The following NHSL2 variants were observed in gnomAD, a reference collection of about 807,000 sequenced individuals.
The protein encoded by NHSL2 is NHS like 2, also known as NHS-like protein 2.
A neutral mutation model predicts 53.4 loss-of-function variants in NHSL2; 27 were observed. The ratio of observed to expected loss-of-function variants is 0.51; its 90% CI spans 0.37 to 0.70. The LOEUF is 0.70. Ranked by LOEUF, NHSL2 falls within the 30% of genes least tolerant of loss-of-function variation. NHSL2 has a pLI of 0.00. For missense variants in NHSL2, 892 were observed against 980.1 expected (o/e 0.91, Z 1.20); for synonymous variants, 408 against 404.1 (o/e 1.01, Z -0.12).
At chrX:72,036,356 A>G (rs1256816953) in intron 1 of NHSL2, among the ~76,000 whole-genome samples, 2 of 112,274 alleles carry the variant, frequency 1.8e-5, no homozygotes, top group Non-Finnish European at 1.9e-5. Context: ...ATCCACTGTC[A>G]GTTGACTTGC....
intron 1 of NHSL2, among the ~76,000 whole-genome samples, chrX:72,022,599 A>G (rs1407865685): frequency 3.6e-5 from 4 of 111,082 alleles, no homozygotes; most frequent in Non-Finnish European, 7.6e-5. Flanking sequence ...TAATCCCATC[A>G]TGAGGGATCC....
At chrX:72,123,872 C>T (rs2042201031) in intron 1 of NHSL2, among the ~76,000 whole-genome samples, 1 of 110,889 alleles carries the variant, frequency 9.0e-6, no homozygotes, top group East Asian at 2.9e-4. Context: ...GGGCCCCGCT[C>T]TACCCCATGT....
chrX:72,060,086 C>T (rs890501900), intron 1 of NHSL2, among the ~76,000 whole-genome samples: 7 of 112,116 alleles, frequency 6.2e-5, no homozygotes, highest in African/African-American at 2.3e-4. Context: ...CATTTGACCT[C>T]AGAAGCATGA....
chrX:72,026,704 C>T (rs1477043223), intron 1 of NHSL2, among the ~76,000 whole-genome samples: 3 of 112,424 alleles, frequency 2.7e-5, no homozygotes, highest in Admixed American at 1.9e-4. Flanking sequence ...AATGGCAGAT[C>T]CTGATAAGTT....
intron 1 of NHSL2, among the ~76,000 whole-genome samples, chrX:72,111,589 G>A (rs996703253): frequency 8.9e-6 from 1 of 111,825 alleles, no homozygotes; most frequent in Non-Finnish European, 1.9e-5. Context: ...CAGTAAGTAA[G>A]TATAAGGTAA....
intron 1 of NHSL2, among the ~76,000 whole-genome samples, chrX:72,101,539 G>A (rs764649224): frequency 1.7e-4 from 19 of 110,586 alleles, no homozygotes; most frequent in Non-Finnish European, 3.6e-4. Context: ...CATGCCCACT[G>A]CCTAAGTTCT....
intron 1 of NHSL2, among the ~76,000 whole-genome samples, chrX:72,061,190 C>G (rs1328050750): frequency 8.9e-6 from 1 of 112,191 alleles, no homozygotes; most frequent in Non-Finnish European, 1.9e-5. Context: ...TGTCCTCAAT[C>G]CCTTTTTCTT....
chrX:71,914,508 G>A (rs953874050), intron 1 of NHSL2, among the ~76,000 whole-genome samples: 4 of 112,279 alleles, frequency 3.6e-5, no homozygotes, highest in African/African-American at 1.3e-4. Context: ...TGTTACACTA[G>A]CTCATGAACT....
At chrX:71,952,308 A>G (rs768956034) in intron 1 of NHSL2, among the ~76,000 whole-genome samples, 61 of 112,292 alleles carry the variant, frequency 5.4e-4, no homozygotes, top group Non-Finnish European at 1.1e-3. Context: ...AACAAAAGTA[A>G]GAACAAAAAG....
At chrX:72,033,414 T>C (rs139627868) in intron 1 of NHSL2, among the ~76,000 whole-genome samples, 5 of 111,758 alleles carry the variant, frequency 4.5e-5, no homozygotes, top group Non-Finnish European at 9.4e-5. Flanking sequence ...CTTGCTCTCT[T>C]GACCTTGTGA....
intron 1 of NHSL2, among the ~76,000 whole-genome samples, chrX:71,994,787 G>A (rs2042042700): frequency 1.8e-5 from 2 of 111,634 alleles, no homozygotes; most frequent in Admixed American, 1.9e-4. Flanking sequence ...GAAGTGGGGC[G>A]AGACTGGTGA....
chrX:71,938,738 T>C lies in NHSL2; in HGVS notation c.280+27371T>C, dbSNP rs939765092. ...AGGAAATGGAGTGAAGAGAATGCAC[T>C]GGCTCTTGGCCCCACTGCTGGGAAG... On this transcript the variant is annotated intron_variant, in intron 1 of 7. Transcript: ENST00000633930. Among the ~76,000 whole-genome samples, 3 of 112,905 alleles carry C rather than the reference T, an allele frequency of 2.7e-5. No homozygotes were observed. In the Admixed American group the frequency reaches 2.8e-4, roughly 11 times the overall value.
At chrX:72,027,831 TG>T (rs1455296199) in intron 1 of NHSL2, 1 of 111,281 alleles carries the variant, frequency 9.0e-6, no homozygotes, top group Non-Finnish European at 1.9e-5. Context: ...AGGAAGGAGA[TG>T]GGTGGGCTTT....
intron 1 of NHSL2, among the ~76,000 whole-genome samples, chrX:72,044,233 A>C (rs967105644): frequency 8.9e-6 from 1 of 112,239 alleles, no homozygotes; most frequent in Admixed American, 9.4e-5. Context: ...GTTCAGGGCC[A>C]ATATGGCTAC....
intron 1 of NHSL2, among the ~76,000 whole-genome samples, chrX:71,934,877 G>A (rs971408642): frequency 8.9e-6 from 1 of 112,317 alleles, no homozygotes; most frequent in Middle Eastern, 4.2e-3. Context: ...TTCTTAACTA[G>A]CATCAAAACC....
At chrX:71,972,907 T>C (rs1330849481) in intron 1 of NHSL2, among the ~76,000 whole-genome samples, 1 of 108,893 alleles carries the variant, frequency 9.2e-6, no homozygotes, top group Non-Finnish European at 1.9e-5. Flanking sequence ...TGTGTTTGGC[T>C]TGGAGACTGC....
intron 1 of NHSL2, chrX:72,069,693 G>A: frequency 8.5e-6 from 8 of 937,977 alleles, no homozygotes; most frequent in Non-Finnish European, 1.1e-5. Context: ...CAGAATGATG[G>A]GCAACTCTCA....
At chrX:72,106,137 G>C (rs188580885) in intron 1 of NHSL2, among the ~76,000 whole-genome samples, 153 of 111,030 alleles carry the variant, frequency 1.4e-3, no homozygotes, top group South Asian at 9.6e-3. Context: ...TGAACCCCGG[G>C]GGGGCAGAGC....
intron 1 of NHSL2, among the ~76,000 whole-genome samples, chrX:71,967,680 A>G (rs1232411281): frequency 1.4e-4 from 16 of 111,500 alleles, no homozygotes; most frequent in Admixed American, 3.8e-4. Context: ...TAAACTTGTA[A>G]AAGTGTGTTT....
Sources: allele counts gnomAD v4.1 joint callset (sites outside exome capture counted in the v4.1 genomes callset), GRCh38; gene constraint gnomAD v4.1.1; transcripts MANE v1.5; gene names NCBI Gene and HGNC (gene_info 2026-07-23, HGNC 2026-07-21).